Variants in RNF149 observed in about 807,000 individuals in gnomAD.
RNF149 encodes the protein ring finger protein 149.
Under a neutral mutation model 39.0 loss-of-function variants are expected in RNF149, and 21 were observed. The observed-to-expected ratio is 0.54, with a 90% confidence interval of 0.38 to 0.77. The LOEUF (loss-of-function observed/expected upper bound fraction) is 0.77, where lower values mean the gene tolerates loss of function less well. RNF149 is among the 30% of genes least tolerant of loss of function. The pLI is 0.00. For synonymous variants in RNF149, 209 were observed against 213.6 expected, an observed-to-expected ratio of 0.98 and a Z score of 0.19; for missense variants, 493 against 534.9, an observed-to-expected ratio of 0.92 and a Z score of 0.77.
chr2:101,302,415 G>A (rs1448312785), intron 1 of RNF149, among the ~76,000 whole-genome samples: 3 of 152,220 alleles, frequency 2.0e-5, no homozygotes, highest in East Asian at 1.9e-4. Context: ...CAAAACAAAC[G>A]TTTTTATGGT....
chr2:101,289,574 G>A (rs186886000), intron 3 of RNF149, among the ~76,000 whole-genome samples: 20 of 151,884 alleles, frequency 1.3e-4, no homozygotes, highest in East Asian at 1.2e-3. Flanking sequence ...GCATGGTGGC[G>A]CGTGCCTGTA....
At chr2:101,273,041 T>C (rs1339242832), downstream of RNF149, 16 of 1,354,442 alleles carry the variant, frequency 1.2e-5, no homozygotes, top group South Asian at 1.6e-4. Flanking sequence ...CTTGTCATCA[T>C]TCCTCAGTAG....
intron 1 of RNF149, chr2:101,307,747 G>T: frequency 1.1e-6 from 1 of 880,676 alleles, no homozygotes. Flanking sequence ...GGGGCGCGCT[G>T]GGGGAAGAGT....
chr2:101,298,307 C>A (rs1683320248), intron 1 of RNF149, among the ~76,000 whole-genome samples: 1 of 152,086 alleles, frequency 6.6e-6, no homozygotes, highest in South Asian at 2.1e-4. Flanking sequence ...TGTCTGTAGT[C>A]CCAGCTACTA....
chr2:101,276,197 C>T lies in RNF149; in HGVS notation c.*1041G>A, dbSNP rs886677039. On this transcript the variant is annotated 3_prime_UTR_variant, in exon 7 of 7. Coordinates refer to ENST00000295317, the MANE Select transcript of RNF149 (RefSeq NM_173647.4). Reference sequence around the variant, plus strand: ...CTCTAAAAAATAACTGCCTCATACTCGACTTCTACCTCCAAGAAGTGAAAA... The same window carrying T: ...CTCTAAAAAATAACTGCCTCATACTTGACTTCTACCTCCAAGAAGTGAAAA... 3.1e-6 allele frequency: 3 copies of T among 983,376 alleles called. No homozygotes were observed. The highest frequency in any genetic ancestry group is 4.7e-5 in the South Asian group (1 of 21,242). The allele number at this position is 983,376 out of a possible 1,614,324, so 60.9% of individuals were successfully genotyped here.
In RNF149 at chr2:101,292,691, G is replaced by C. The variant is rs181678906; in HGVS notation, c.780+1323C>G. On this transcript the variant is annotated intron_variant, in intron 3 of 6. Coordinates refer to ENST00000295317, the MANE Select transcript of RNF149 (RefSeq NM_173647.4). ...TGAGGCAGGAGAATGGCGTGAACCCGGGAGGCGGAGCTTGCAGTGAGCCGA... is the reference window on the plus strand; with the variant it reads ...TGAGGCAGGAGAATGGCGTGAACCCCGGAGGCGGAGCTTGCAGTGAGCCGA... Among the ~76,000 whole-genome samples the C allele has an allele frequency of 9.9e-5, 15 of 152,130 alleles. No homozygotes were observed. In the South Asian group the frequency reaches 3.1e-3, roughly 32 times the overall value.
intron 3 of RNF149, among the ~76,000 whole-genome samples, chr2:101,289,693 G>C (rs1363424492): frequency 7.0e-6 from 1 of 142,780 alleles, no homozygotes; most frequent in Non-Finnish European, 1.5e-5. Flanking sequence ...CAACTGTTGA[G>C]CAAGACTCTG....
chr2:101,292,141 A>G (rs1408894168), intron 3 of RNF149, among the ~76,000 whole-genome samples: 1 of 152,138 alleles, frequency 6.6e-6, no homozygotes, highest in African/African-American at 2.4e-5. Context: ...GAAAAACAAC[A>G]CTTGAAGTAT....
At chr2:101,273,912 T>C (rs576368584), downstream of RNF149, among the ~76,000 whole-genome samples, 5 of 152,346 alleles carry the variant, frequency 3.3e-5, no homozygotes, top group Non-Finnish European at 2.9e-5. Context: ...GATATGACCG[T>C]AATTATTCCA....
At chr2:101,301,873 G>A (rs1683466297) in intron 1 of RNF149, among the ~76,000 whole-genome samples, 1 of 152,188 alleles carries the variant, frequency 6.6e-6, no homozygotes, top group African/African-American at 2.4e-5. Flanking sequence ...ACATTCTCTT[G>A]AAGGAGATGG....
intron 4 of RNF149, chr2:101,286,431 T>C (rs1682796723): frequency 3.4e-6 from 1 of 295,802 alleles, no homozygotes; most frequent in East Asian, 5.9e-5. Flanking sequence ...TGTACATTTT[T>C]ATGTGCCTCT....
intron 4 of RNF149, chr2:101,288,719 T>G (rs1185876395): frequency 2.8e-6 from 1 of 359,158 alleles, no homozygotes; most frequent in Non-Finnish European, 5.1e-6. Context: ...GATAAAGCCT[T>G]GCTTAGAAGA....
chr2:101,304,019 T>C (rs1231284673), intron 1 of RNF149, among the ~76,000 whole-genome samples: 1 of 152,242 alleles, frequency 6.6e-6, no homozygotes, highest in Admixed American at 6.5e-5. Flanking sequence ...CAATATCCTG[T>C]AAAAGCTTTT....
At chr2:101,297,505 C>A (rs1212096989) in intron 1 of RNF149, among the ~76,000 whole-genome samples, 1 of 151,392 alleles carries the variant, frequency 6.6e-6, no homozygotes, top group Admixed American at 6.6e-5. Context: ...CACAGGCACA[C>A]ACCACTACAC....
intron 6 of RNF149, among the ~76,000 whole-genome samples, chr2:101,278,099 G>A (rs1251705209): frequency 6.6e-6 from 1 of 152,148 alleles, no homozygotes; most frequent in African/African-American, 2.4e-5. Flanking sequence ...CTTCCTTAAA[G>A]ATAGCAGCAG....
At chr2:101,300,658 A>G (rs1266505711) in intron 1 of RNF149, among the ~76,000 whole-genome samples, 1 of 151,912 alleles carries the variant, frequency 6.6e-6, no homozygotes, top group Non-Finnish European at 1.5e-5. Flanking sequence ...TATTAAAGCA[A>G]ACCAAAAAAA....
downstream of RNF149, among the ~76,000 whole-genome samples, chr2:101,272,274 C>G (rs1363206608): frequency 2.6e-5 from 4 of 152,180 alleles, no homozygotes; most frequent in African/African-American, 4.8e-5. Context: ...TAATACAGCC[C>G]TACATCTCGG....
Position 101,276,990 on chromosome 2 carries a change from G to GTAA in RNF149, c.*245_*247dup. On this transcript the variant is annotated 3_prime_UTR_variant, in exon 7 of 7. Transcript: ENST00000295317. ...TAGAGTACCTGCCCCAGTTGTCTTT[G>GTAA]TAATAGTCTGAAGCAACACACTGTT... 1 of 1,214,212 alleles carries GTAA rather than the reference G, an allele frequency of 8.2e-7. No homozygotes were observed. Among genetic ancestry groups the GTAA allele is most frequent in the South Asian group, 1.9e-5 (1 of 52,818 alleles). The allele number at this position is 1,214,212 out of a possible 1,614,324, so 75.2% of individuals were successfully genotyped here.
rs1230326617 is a variant in RNF149 at position 101,286,174 on chromosome 2, A to G, written c.867T>C (p.His289=). ...GGTCAATGCATATTCTATGAAAAAT[A>G]TGCCTAAAAAGATTAAGTATGTGTT... ...KDIIRILPCK[H]IFHRICIDPW... Residue 289 remains histidine (H), a synonymous_variant, in exon 5 of 7, where the codon CAT becomes CAC. Coordinates refer to ENST00000295317, the MANE Select transcript of RNF149 (RefSeq NM_173647.4). 15 of 1,574,608 alleles carry G rather than the reference A, an allele frequency of 9.5e-6. No individual in the cohort carries two copies. In the East Asian group the frequency reaches 3.4e-4, roughly 35 times the overall value.
Sources: gnomAD v4.1 joint callset for allele counts (sites outside exome capture counted in the v4.1 genomes callset) on GRCh38, gnomAD v4.1.1 for gene constraint, MANE v1.5 for transcripts, NCBI Gene and HGNC (gene_info 2026-07-23, HGNC 2026-07-21) for gene names.